The following CCDC6 variants were observed in gnomAD, a reference collection of about 807,000 sequenced individuals.
The protein encoded by CCDC6 is coiled-coil domain containing 6.
Under a neutral mutation model 56.6 loss-of-function variants are expected in CCDC6, and 20 were observed. The observed-to-expected ratio is 0.35, with a 90% CI of 0.25 to 0.51. CCDC6 has a LOEUF of 0.51. Among genes scored for constraint, CCDC6 ranks in the 20% least tolerant of loss-of-function variants. The pLI is 0.95. For synonymous variants in CCDC6, 241 were observed against 234.4 expected (o/e 1.03, Z -0.26); for missense variants, 367 against 601.1 (o/e 0.61, Z 4.07).
chr10:59,833,441 C>T (rs902628213), intron 2 of CCDC6, among the ~76,000 whole-genome samples: 1 of 151,968 alleles, frequency 6.6e-6, no homozygotes, highest in African/African-American at 2.4e-5. Flanking sequence ...GAGAGCAAAA[C>T]TCTGTCTCAA....
At chr10:59,822,272 T>G (rs547348038) in intron 3 of CCDC6, among the ~76,000 whole-genome samples, 9 of 152,354 alleles carry the variant, frequency 5.9e-5, no homozygotes, top group Admixed American at 2.0e-4. Context: ...TTTCATAACT[T>G]ATCAGTTCAA....
chr10:59,841,749 G>A (rs1386310110), intron 2 of CCDC6, among the ~76,000 whole-genome samples: 1 of 151,114 alleles, frequency 6.6e-6, no homozygotes. Context: ...CTCACTGCAA[G>A]CTCTGCCTCC....
intron 1 of CCDC6, among the ~76,000 whole-genome samples, chr10:59,902,379 A>T (rs1263032823): frequency 6.8e-6 from 1 of 146,724 alleles, no homozygotes; most frequent in African/African-American, 2.5e-5. Context: ...TTGGTGAGCA[A>T]CAGTAACTCT....
At chr10:59,835,518 C>T (rs1433898342) in intron 2 of CCDC6, among the ~76,000 whole-genome samples, 1 of 152,198 alleles carries the variant, frequency 6.6e-6, no homozygotes, top group Non-Finnish European at 1.5e-5. Context: ...TACCAGAACT[C>T]AAGTAAGGTC....
At chr10:59,852,531 G>A (rs1479652785) in intron 2 of CCDC6, 22 bp downstream of exon 2, 4 of 1,548,756 alleles carry the variant, frequency 2.6e-6, no homozygotes, top group African/African-American at 1.4e-5. Flanking sequence ...GGGAAGATGA[G>A]GGAGTAGAAA....
At chr10:59,876,265 T>G (rs2071279363) in intron 1 of CCDC6, among the ~76,000 whole-genome samples, 1 of 151,852 alleles carries the variant, frequency 6.6e-6, no homozygotes, top group South Asian at 2.1e-4. Flanking sequence ...GCCAGGCTAG[T>G]CTCGAACTCC....
rs80162753 is a variant in CCDC6 at position 59,831,879 on chromosome 10, T to C, written c.582+646A>G. ...CTGCTGAGGGCAGAGGACAAAGGGA[T>C]TGCGTGCTATTACTACTTCCCACCT... is the stretch of plus-strand genomic sequence containing the variant. On this transcript the variant is annotated intron_variant, in intron 3 of 8. Coordinates refer to ENST00000263102, the MANE Select transcript of CCDC6 (RefSeq NM_005436.5). 8.5e-5 allele frequency among the ~76,000 whole-genome samples: 13 copies of C among 152,324 alleles called. No individual in the cohort carries two copies. In the East Asian group the frequency reaches 1.4e-3, roughly 16 times the overall value.
Position 59,803,854 on chromosome 10 carries a change from G to T in CCDC6, c.1105+566C>A, listed in dbSNP as rs73263418. 9.6e-3 allele frequency among the ~76,000 whole-genome samples: 1,455 copies of T among 152,298 alleles called. 33 individuals carry two copies. Among genetic ancestry groups the T allele is most frequent in the African/African-American group, 0.033 (1,377 of 41,566 alleles). Reference sequence around the variant, plus strand: ...GCCAGGTCCCACTCACCAATCACTGGAAATATCAGGAGGCAGCTCATGCTA... The same window carrying T: ...GCCAGGTCCCACTCACCAATCACTGTAAATATCAGGAGGCAGCTCATGCTA... On this transcript the variant is annotated intron_variant, in intron 7 of 8. Coordinates refer to ENST00000263102, the MANE Select transcript of CCDC6 (RefSeq NM_005436.5).
chr10:59,864,237 G>A (rs990861954), intron 1 of CCDC6, among the ~76,000 whole-genome samples: 1 of 152,152 alleles, frequency 6.6e-6, no homozygotes, highest in Non-Finnish European at 1.5e-5. Context: ...AGCTACCTTG[G>A]TAGTTTCTTA....
At chr10:59,863,312 T>C (rs928457398) in intron 1 of CCDC6, among the ~76,000 whole-genome samples, 1 of 152,238 alleles carries the variant, frequency 6.6e-6, no homozygotes, top group Non-Finnish European at 1.5e-5. Context: ...TGGTCCACTT[T>C]TGTTTGAATA....
intron 1 of CCDC6, among the ~76,000 whole-genome samples, chr10:59,875,186 T>C (rs375563771): frequency 6.6e-6 from 1 of 152,200 alleles, no homozygotes; most frequent in Non-Finnish European, 1.5e-5. Context: ...TCAGATATGT[T>C]AGAAATGACT....
chr10:59,805,560 T>A (rs953223314), intron 6 of CCDC6: 1 of 152,222 alleles, frequency 6.6e-6, no homozygotes, highest in East Asian at 1.9e-4. Context: ...CCAAACTGGG[T>A]CCCAGATGCT....
intron 2 of CCDC6, among the ~76,000 whole-genome samples, chr10:59,839,394 G>C (rs1411379914): frequency 1.3e-5 from 2 of 152,174 alleles, no homozygotes; most frequent in African/African-American, 4.8e-5. Flanking sequence ...AATACTGATT[G>C]AATAAATGAT....
rs534971330 is a variant in CCDC6 at position 59,858,920 on chromosome 10, C to T, written c.304-6218G>A. On this transcript the variant is annotated intron_variant, in intron 1 of 8. Coordinates refer to ENST00000263102, the MANE Select transcript of CCDC6 (RefSeq NM_005436.5). ...ACACTGTCAGACTTGACTCACACTG[C>T]CTGGTTTACAAGGTCGCTGTGCCTT... Among the ~76,000 whole-genome samples the T allele has an allele frequency of 3.3e-5, 5 of 152,242 alleles. No individual in the cohort carries two copies. In the East Asian group the frequency reaches 9.7e-4, roughly 29 times the overall value.
At chr10:59,836,186 A>G (rs12252107) in intron 2 of CCDC6, among the ~76,000 whole-genome samples, 10,030 of 152,198 alleles carry the variant, frequency 0.066, 641 homozygotes, top group African/African-American at 0.16. Flanking sequence ...TGAAGGACTA[A>G]TAACTACAGA....
At chr10:59,809,903 G>A (rs1305879681) in intron 5 of CCDC6, among the ~76,000 whole-genome samples, 1 of 152,210 alleles carries the variant, frequency 6.6e-6, no homozygotes, top group Non-Finnish European at 1.5e-5. Flanking sequence ...GTCAAAGATG[G>A]TGTGAACTGC....
intron 1 of CCDC6, among the ~76,000 whole-genome samples, chr10:59,860,391 T>C (rs2071118024): frequency 1.3e-5 from 2 of 152,100 alleles, no homozygotes; most frequent in Admixed American, 1.3e-4. Context: ...AGGGCCTACC[T>C]TAAACTGGAT....
At position 59,794,505 on chromosome 10, in the gene CCDC6, C is replaced by A; in HGVS notation, c.1198G>T (p.Val400Leu). ...CCATGGGATGTTCCCATGTGCTGCA[C>A]GTGAAGACCCGGGGAATTGTAATAA... is the stretch of plus-strand genomic sequence containing the variant. ...MSYYNSPGLHVQHMGTSHGIT... is the reference protein window; with the variant it reads ...MSYYNSPGLHLQHMGTSHGIT... Residue 400 changes from valine (V) to leucine (L), a missense_variant, in exon 8 of 9, where the codon GTG (valine) becomes TTG (leucine). Val to Leu is a conservative substitution (Grantham distance 32). Coordinates refer to ENST00000263102, the MANE Select transcript of CCDC6 (RefSeq NM_005436.5). 1.2e-6 allele frequency: 2 copies of A among 1,614,114 alleles called. No homozygotes were observed. The highest frequency in any genetic ancestry group is 1.3e-5 in the African/African-American group (1 of 75,048).
chr10:59,820,786 A>G (rs923562891), intron 3 of CCDC6, among the ~76,000 whole-genome samples: 1 of 151,956 alleles, frequency 6.6e-6, no homozygotes, highest in African/African-American at 2.4e-5. Context: ...TGAAAGAAAG[A>G]AAGAAAAAAA....
Sources: allele counts gnomAD v4.1 joint callset (sites outside exome capture counted in the v4.1 genomes callset), GRCh38; gene constraint gnomAD v4.1.1; transcripts MANE v1.5; gene names NCBI Gene and HGNC (gene_info 2026-07-23, HGNC 2026-07-21).